PLCE1: variants seen among roughly 807,000 people sequenced by gnomAD.
The protein encoded by PLCE1 is 1-phosphatidylinositol 4,5-bisphosphate phosphodiesterase epsilon-1.
PLCE1 carries 119 observed loss-of-function variants against 242.8 expected under a neutral mutation model. The observed-to-expected ratio is 0.49, with a 90% CI of 0.42 to 0.57. The LOEUF is 0.57. PLCE1 is among the 20% of genes least tolerant of loss of function. The probability of loss-of-function intolerance (pLI) is 0.00; values close to 1 mark genes in which losing one functional copy is unlikely to be tolerated. For missense variants in PLCE1, 2,441 were observed against 2,788.8 expected (o/e 0.88, Z 2.81); for synonymous variants, 945 against 1,017.4 (o/e 0.93, Z 1.35).
rs77655242 is a variant in PLCE1 at position 94,194,255 on chromosome 10, G to C, written c.1809+22759G>C. On this transcript the variant is annotated intron_variant, in intron 4 of 32. Coordinates refer to ENST00000371380, the MANE Select transcript of PLCE1 (RefSeq NM_016341.4). ...CCTAGTTTCTGCCATCCTTTTCGTG[G>C]GGAATTACACAACAACTATTAACAA... is the stretch of plus-strand genomic sequence containing the variant. Among the ~76,000 whole-genome samples, 485 of 152,130 alleles carry C rather than the reference G, an allele frequency of 3.2e-3. 4 individuals carry two copies. The highest frequency in any genetic ancestry group is 0.011 in the African/African-American group (464 of 41,520).
chr10:94,332,576 T>A lies in PLCE1; in HGVS notation c.*4633T>A, dbSNP rs1171563289. 1 of 151,940 alleles carries A rather than the reference T, an allele frequency of 6.6e-6. No individual in the cohort carries two copies. The highest frequency in any genetic ancestry group is 2.4e-5 in the African/African-American group (1 of 41,342). The allele number at this position is 151,940 out of a possible 1,614,324, so 9.4% of individuals were successfully genotyped here. ...AAACATAAGCTTACATATAAGCGTA[T>A]GTAAGTTAATGCACAAATATATTTC... On this transcript the variant is annotated 3_prime_UTR_variant, in exon 33 of 33. Coordinates refer to ENST00000371380, the MANE Select transcript of PLCE1 (RefSeq NM_016341.4).
intron 20 of PLCE1, 184 bp downstream of exon 20, chr10:94,280,095 CACTT>C: frequency 1.6e-6 from 1 of 640,368 alleles, no homozygotes; most frequent in Non-Finnish European, 2.7e-6. Context: ...TGTTAGCCAA[CACTT>C]ACAGAAAGAA....
Position 94,031,737 on chromosome 10 carries a change from G to A in PLCE1, c.691G>A (p.Val231Met). The A allele has an allele frequency of 6.2e-7, 1 of 1,613,786 alleles. No individual in the cohort carries two copies. Among genetic ancestry groups the A allele is most frequent in the East Asian group, 2.2e-5 (1 of 44,844 alleles). ...TGAGGAGAAGCAAAAGAAAAACTAT[G>A]TGGCATATACCTGTAAACTGATGGA... ...GGEEKQKKNYVAYTCKLMELA... is the reference protein window; with the variant it reads ...GGEEKQKKNYMAYTCKLMELA... Residue 231 changes from valine (V) to methionine (M), a missense_variant, in exon 2 of 33, where the codon GTG becomes ATG. Val to Met is a conservative substitution (Grantham distance 21). Around this residue, in one of 5 missense-constraint regions of PLCE1, gnomAD observed 393 missense variants for 378.5 expected, o/e 1.04. Transcript: ENST00000371380.
chr10:94,009,493 C>T (rs553990809), intron 1 of PLCE1, among the ~76,000 whole-genome samples: 32 of 152,296 alleles, frequency 2.1e-4, no homozygotes, highest in African/African-American at 7.7e-4. Flanking sequence ...TCTTATATTG[C>T]AAAATACAAT....
In PLCE1 at chr10:94,031,392, G is replaced by A; in HGVS notation, c.346G>A (p.Gly116Ser). 6.2e-7 allele frequency: 1 copy of A among 1,613,868 alleles called. No individual in the cohort carries two copies. The highest frequency in any genetic ancestry group is 8.5e-7 in the Non-Finnish European group (1 of 1,179,882). ...CNNILRNHQH[G>S]LPQRQFYEMY... The stretch of plus-strand genomic sequence containing the variant: ...CAACATATTGAGAAACCATCAGCAT[G>A]GCCTTCCTCAGAGACAATTTTATGA... The change falls in exon 2 of 33, where the codon GGC becomes AGC. Residue 116 changes from glycine (G) to serine (S), a missense_variant. Gly to Ser is a moderately conservative substitution (Grantham distance 56). This residue lies in a region of PLCE1 where 393 missense variants were observed against 378.5 expected (regional missense o/e 1.04). Transcript: ENST00000371380.
intron 2 of PLCE1, among the ~76,000 whole-genome samples, chr10:94,043,743 C>A (rs1249449827): frequency 1.3e-5 from 2 of 152,196 alleles, no homozygotes; most frequent in Admixed American, 1.3e-4. Flanking sequence ...GCTTCAGACC[C>A]TGGTTGAACC....
At chr10:94,258,093 T>C (rs141638389) in intron 11 of PLCE1, among the ~76,000 whole-genome samples, 47 of 152,290 alleles carry the variant, frequency 3.1e-4, no homozygotes, top group Admixed American at 5.2e-4. Flanking sequence ...AAGGTGCAAA[T>C]ATAATCCTAG....
At chr10:94,011,607 G>A (rs545801544) in intron 1 of PLCE1, among the ~76,000 whole-genome samples, 1 of 152,178 alleles carries the variant, frequency 6.6e-6, no homozygotes, top group Non-Finnish European at 1.5e-5. Context: ...TCTGTCCCCA[G>A]GTTCTGACCA....
chr10:94,316,473 A>G, intron 28 of PLCE1, 74 bp from the exon 29 acceptor site: 2 of 926,038 alleles, frequency 2.2e-6, no homozygotes, highest in East Asian at 4.8e-5. Context: ...TAGCAAACCT[A>G]TCTGAACACC....
At chr10:94,020,489 A>T (rs1412080327) in intron 1 of PLCE1, among the ~76,000 whole-genome samples, 1 of 152,106 alleles carries the variant, frequency 6.6e-6, no homozygotes, top group Non-Finnish European at 1.5e-5. Flanking sequence ...TGATTAATTC[A>T]ATTTACCATT....
intron 5 of PLCE1, among the ~76,000 whole-genome samples, 200 bp from the exon 6 acceptor site, chr10:94,233,854 A>G (rs1481719705): frequency 6.6e-6 from 1 of 152,016 alleles, no homozygotes; most frequent in Non-Finnish European, 1.5e-5. Flanking sequence ...AGGCTGAGGC[A>G]GGAGAATCGC....
chr10:94,294,368 C>G (rs1389978602), intron 23 of PLCE1, among the ~76,000 whole-genome samples: 5 of 152,146 alleles, frequency 3.3e-5, no homozygotes, highest in Non-Finnish European at 1.5e-5. Context: ...CCTTTCCACT[C>G]AATGTCCTGG....
rs1485695092 is a variant in PLCE1 at position 94,306,396 on chromosome 10, AC to A, written c.5623-30del. 6.2e-7 allele frequency: 1 copy of A among 1,614,040 alleles called. No homozygotes were observed. Among genetic ancestry groups the A allele is most frequent in the East Asian group, 2.2e-5 (1 of 44,886 alleles). ...TTGTCTTTCTTTTTTATCCTCGGTG[AC>A]TTTGATCCCTTTTGTCTCCCTCACC... On this transcript the variant is annotated intron_variant, in intron 25 of 32. Coordinates refer to ENST00000371380, the MANE Select transcript of PLCE1 (RefSeq NM_016341.4). This position sits in a 1 kb window ranked among gnomAD's most constrained non-coding sequence, Gnocchi z 5.7.
chr10:94,170,798 T>A (rs2047947833), intron 3 of PLCE1, among the ~76,000 whole-genome samples: 1 of 152,218 alleles, frequency 6.6e-6, no homozygotes, highest in African/African-American at 2.4e-5. Context: ...CCATTTAAGT[T>A]GGCTATGCTT....
intron 3 of PLCE1, among the ~76,000 whole-genome samples, chr10:94,139,820 G>C (rs375352735): frequency 8.5e-5 from 13 of 152,074 alleles, no homozygotes; most frequent in African/African-American, 2.9e-4. Flanking sequence ...TTCTAGAAGG[G>C]GTGGCTGGAT....
At chr10:94,116,000 G>C (rs56116624) in intron 2 of PLCE1, among the ~76,000 whole-genome samples, 3,507 of 152,310 alleles carry the variant, frequency 0.023, 128 homozygotes, top group African/African-American at 0.08. Context: ...ATAGGGCCAT[G>C]ATGCAGGCGA....
At chr10:94,244,310 C>T (rs1460562067) in intron 7 of PLCE1, among the ~76,000 whole-genome samples, 3 of 152,140 alleles carry the variant, frequency 2.0e-5, no homozygotes, top group Non-Finnish European at 4.4e-5. Flanking sequence ...TTCCCAGAGA[C>T]GCGTGGACCA....
At chr10:94,189,447 G>A (rs2048592057) in intron 4 of PLCE1, among the ~76,000 whole-genome samples, 1 of 152,056 alleles carries the variant, frequency 6.6e-6, no homozygotes, top group Non-Finnish European at 1.5e-5. Flanking sequence ...CCAGGCAAGT[G>A]AGGGCTGGAC....
At position 94,204,735 on chromosome 10, in the gene PLCE1, A is replaced by G. The variant is rs540322500; in HGVS notation, c.1810-22571A>G. Among the ~76,000 whole-genome samples the G allele has an allele frequency of 2.9e-5, 4 of 139,886 alleles. No homozygotes were observed. In the South Asian group the frequency reaches 9.7e-4, roughly 34 times the overall value. The allele number at this position is 139,886 out of a possible 152,430, so 91.8% of individuals were successfully genotyped here. A position where few individuals can be genotyped will look rare whatever the true frequency, so the allele number is the denominator to read the frequency against. ...AGAAAAGAAGGAAGGAAGGAAGGAA[A>G]GAAGAAGGGAGGGAGGAAGGAAGGA... is the stretch of plus-strand genomic sequence containing the variant. On this transcript the variant is annotated intron_variant, in intron 4 of 32. Transcript: ENST00000371380.
Sources: allele counts gnomAD v4.1 joint callset (sites outside exome capture counted in the v4.1 genomes callset), GRCh38; gene constraint gnomAD v4.1.1; regional missense constraint gnomAD v4.1.1; non-coding constraint Gnocchi (gnomAD v3.1); transcripts MANE v1.5; gene names NCBI Gene and HGNC (gene_info 2026-07-23, HGNC 2026-07-21).